The following EDA2R variants were observed in gnomAD, a reference collection of about 807,000 sequenced individuals.
EDA2R encodes tumor necrosis factor receptor superfamily member 27.
In EDA2R, 26 loss-of-function variants were observed where a neutral mutation model predicts 20.1. The ratio of observed to expected loss-of-function variants is 1.30; its 90% confidence interval spans 0.95 to 1.80. The LOEUF (loss-of-function observed/expected upper bound fraction) is 1.80, where lower values mean the gene tolerates loss of function less well. Among genes scored for constraint, EDA2R ranks in the 40% most tolerant of loss-of-function variants. The probability of loss-of-function intolerance (pLI) is 0.00; values close to 1 mark genes in which losing one functional copy is unlikely to be tolerated. For synonymous variants in EDA2R, 114 were observed against 88.7 expected (o/e 1.29, Z -1.60); for missense variants, 277 against 228.7 (o/e 1.21, Z -1.36).
chrX:66,623,050 C>A lies in EDA2R; in HGVS notation c.-10-7020G>T, dbSNP rs1932797963. Among the ~76,000 whole-genome samples the A allele has an allele frequency of 2.7e-5, 3 of 111,767 alleles. No homozygotes were observed. The South Asian group carries it at 1.1e-3, about 42-fold the overall frequency. On this transcript the variant is annotated intron_variant, in intron 1 of 6. Coordinates refer to ENST00000374719, the MANE Select transcript of EDA2R (RefSeq NM_021783.5). ...CCAGTGGTTCTCAGTCTTGGTTGCA[C>A]CTTGGGAGTGCCAAAAAATAGTGAC...
rs190614450 is a variant in EDA2R at position 66,630,824 on chromosome X, C to T, written c.-11+8171G>A. Among the ~76,000 whole-genome samples the T allele has an allele frequency of 6.3e-3, 631 of 99,956 alleles. 8 individuals carry two copies. Among genetic ancestry groups the T allele is most frequent in the African/African-American group, 0.025 (606 of 23,885 alleles). The allele number at this position is 99,956 out of a possible 115,157, so 86.8% of individuals were successfully genotyped here. On this transcript the variant is annotated intron_variant, in intron 1 of 6. Coordinates refer to ENST00000374719, the MANE Select transcript of EDA2R (RefSeq NM_021783.5). ...CTAAAAAGAATCATATATATATATACACACACACACACACACACACACACA... is the reference window on the plus strand; with the variant it reads ...CTAAAAAGAATCATATATATATATATACACACACACACACACACACACACA...
intron 6 of EDA2R, 125 bp downstream of exon 6, chrX:66,599,349 C>A (rs755627600): frequency 2.5e-6 from 2 of 802,379 alleles, no homozygotes; most frequent in South Asian, 6.9e-5. Flanking sequence ...CCAAAGTGTT[C>A]CTAGCTTGCT....
chrX:66,596,037 A>T lies in EDA2R; in HGVS notation c.*2067T>A, dbSNP rs1231868243. On this transcript the variant is annotated 3_prime_UTR_variant, in exon 7 of 7. Coordinates refer to ENST00000374719, the MANE Select transcript of EDA2R (RefSeq NM_021783.5). The stretch of plus-strand genomic sequence containing the variant: ...GAGAAAAACAGTAATCCAAAAAAAA[A>T]AAAATTCATTCTCAGGAAATACCTC... The T allele has an allele frequency of 9.0e-6, 1 of 110,953 alleles. No homozygotes were observed. Among genetic ancestry groups the T allele is most frequent in the South Asian group, 3.9e-4 (1 of 2,585 alleles). The allele number at this position is 110,953 out of a possible 1,213,427, so 9.1% of individuals were successfully genotyped here.
At chrX:66,599,436 C>CT (rs1307534330) in intron 6 of EDA2R, 38 bp downstream of exon 6, 24 of 1,037,021 alleles carry the variant, frequency 2.3e-5, no homozygotes, top group African/African-American at 3.9e-5. Context: ...TTCTGTTTTG[C>CT]TTTTTTTGTT....
rs756598536 is a variant in EDA2R, at chrX:66,623,784, C to G, written c.-10-7754G>C. 1.1e-4 allele frequency among the ~76,000 whole-genome samples: 12 copies of G among 110,716 alleles called. No homozygotes were observed. The South Asian group carries it at 4.7e-3, about 43-fold the overall frequency. ...CCCCAGATACCTGCATGGCTACTTC[C>G]CTCATCTTCTTCAGTTCTTTGTTCA... On this transcript the variant is annotated intron_variant, in intron 1 of 6. Coordinates refer to ENST00000374719, the MANE Select transcript of EDA2R (RefSeq NM_021783.5).
At chrX:66,624,470 G>T (rs1932878989) in intron 1 of EDA2R, among the ~76,000 whole-genome samples, 1 of 112,018 alleles carries the variant, frequency 8.9e-6, no homozygotes, top group Non-Finnish European at 1.9e-5. Context: ...TGTAAACCAA[G>T]ATTGTGCCAC....
chrX:66,619,591 T>C (rs965383193), intron 1 of EDA2R, among the ~76,000 whole-genome samples: 1 of 111,271 alleles, frequency 9.0e-6, no homozygotes, highest in African/African-American at 3.3e-5. Context: ...TTACTGAGGG[T>C]TGGGGAGAGG....
chrX:66,603,159 C>T, intron 4 of EDA2R, among the ~76,000 whole-genome samples: 1 of 111,305 alleles, frequency 9.0e-6, no homozygotes, highest in Non-Finnish European at 1.9e-5. Flanking sequence ...CATTATTATA[C>T]AGCACTTAAA....
At chrX:66,637,204 C>T (rs1443573758) in intron 1 of EDA2R, among the ~76,000 whole-genome samples, 1 of 111,906 alleles carries the variant, frequency 8.9e-6, no homozygotes, top group Non-Finnish European at 1.9e-5. Context: ...CTCATTCTTC[C>T]TTTTTCAATT....
At chrX:66,598,740 C>T (rs1424157272) in intron 6 of EDA2R, among the ~76,000 whole-genome samples, 1 of 112,002 alleles carries the variant, frequency 8.9e-6, no homozygotes, top group Non-Finnish European at 1.9e-5. Context: ...ATGCAGGGAG[C>T]AGGGAAGTCA....
At chrX:66,610,592 A>AT (rs989882850) in intron 2 of EDA2R, among the ~76,000 whole-genome samples, 15 of 111,786 alleles carry the variant, frequency 1.3e-4, no homozygotes, top group Non-Finnish European at 2.6e-4. Flanking sequence ...ACTCCCTTTC[A>AT]TTTTATTGGT....
chrX:66,625,142 T>G (rs2147941984), intron 1 of EDA2R, among the ~76,000 whole-genome samples: 1 of 111,454 alleles, frequency 9.0e-6, no homozygotes, highest in African/African-American at 3.3e-5. Context: ...TTTGTAACAA[T>G]TTGAACCAGA....
chrX:66,603,320 A>G (rs1928998293), intron 4 of EDA2R, among the ~76,000 whole-genome samples: 2 of 112,029 alleles, frequency 1.8e-5, no homozygotes, highest in African/African-American at 6.5e-5. Flanking sequence ...TCACAAAAGA[A>G]CCCAAGTATT....
chrX:66,614,809 T>C (rs1931394040), intron 2 of EDA2R, among the ~76,000 whole-genome samples: 1 of 112,017 alleles, frequency 8.9e-6, no homozygotes, highest in Non-Finnish European at 1.9e-5. Context: ...CTAATGCACT[T>C]AGAGAAAGAT....
chrX:66,602,796 AC>A lies in EDA2R; in HGVS notation c.353del (p.Cys118LeufsTer5), dbSNP rs1392478247. 2 of 1,175,367 alleles carry A rather than the reference AC, an allele frequency of 1.7e-6. No individual in the cohort carries two copies. The highest frequency in any genetic ancestry group is 3.6e-5 in the African/African-American group (2 of 56,036). ...TKQTPTSEVQCAFQLSLVEAD... is the reference protein window; with the variant it reads ...TKQTPTSEVQXAFQLSLVEAD... ...CCTCCACTAAGCTCAACTGGAAGGC[AC>A]CTGTGAGACAAAAAAATGGGGGAGG... On this transcript the variant is annotated frameshift_variant and splice_region_variant, in exon 5 of 7. Transcript: ENST00000374719. LOFTEE classifies it high-confidence loss of function.
chrX:66,626,824 G>A (rs930024226), intron 1 of EDA2R, among the ~76,000 whole-genome samples: 6 of 83,072 alleles, frequency 7.2e-5, no homozygotes, highest in Admixed American at 1.4e-4. Context: ...GGAGGACAGG[G>A]GACAGGAGGA....
At chrX:66,626,151 C>A (rs1171857071) in intron 1 of EDA2R, among the ~76,000 whole-genome samples, 1 of 111,627 alleles carries the variant, frequency 9.0e-6, no homozygotes, top group African/African-American at 3.3e-5. Flanking sequence ...AGCAATGGAT[C>A]CAAACCAAGA....
At chrX:66,610,853 C>T (rs1930617910) in intron 2 of EDA2R, among the ~76,000 whole-genome samples, 1 of 111,479 alleles carries the variant, frequency 9.0e-6, no homozygotes, top group South Asian at 3.8e-4. Context: ...CAACTAGAGA[C>T]AATAGGCTGC....
Position 66,599,706 on chromosome X carries a change from C to G in EDA2R, c.672G>C (p.Ser224=). ...ACTCCTGTGTGGGGAAGCCACTAGTCGAGCTGCAGTCGTCCTCGAGGATAG... is the reference window on the plus strand; with the variant it reads ...ACTCCTGTGTGGGGAAGCCACTAGTGGAGCTGCAGTCGTCCTCGAGGATAG... The part of the protein sequence containing the change: ...LNPILEDDCS[S]TSGFPTQESF... The change falls in exon 6 of 7, where the codon TCG becomes TCC. Residue 224 remains serine (S), a synonymous_variant. Transcript: ENST00000374719. 3.3e-6 allele frequency: 4 copies of G among 1,209,715 alleles called. No homozygotes were observed. The highest frequency in any genetic ancestry group is 4.5e-6 in the Non-Finnish European group (4 of 894,713).
Sources: allele counts gnomAD v4.1 joint callset (sites outside exome capture counted in the v4.1 genomes callset), GRCh38; gene constraint gnomAD v4.1.1; transcripts MANE v1.5; gene names NCBI Gene and HGNC (gene_info 2026-07-23, HGNC 2026-07-21).